Variants in BOC observed in about 807,000 individuals in gnomAD.
The protein encoded by BOC is brother of CDO.
BOC carries 76 observed loss-of-function variants against 112.0 expected under a neutral mutation model. That is an observed-to-expected ratio of 0.68 (90% confidence interval 0.56 to 0.82). The LOEUF (loss-of-function observed/expected upper bound fraction) is 0.82, where lower values mean the gene tolerates loss of function less well. BOC is among the 40% of genes least tolerant of loss of function. The pLI is 0.00. For synonymous variants in BOC, 580 were observed against 599.8 expected (o/e 0.97, Z 0.48); for missense variants, 1,309 against 1,511.7 (o/e 0.87, Z 2.22).
chr3:113,272,567 C>T lies in BOC; in HGVS notation c.825C>T (p.Asn275=), dbSNP rs377081069. The change falls in exon 7 of 20, where the codon AAC becomes AAT. Residue 275 remains asparagine, a synonymous_variant. Transcript: ENST00000682979. ...AKDGSSVTGY[N]KTRFLLSNLL... ...ATGGGTCCAGTGTCACCGGCTACAACAAGACGCGCTTCCTGCTGAGCAACC... is the reference window on the plus strand; with the variant it reads ...ATGGGTCCAGTGTCACCGGCTACAATAAGACGCGCTTCCTGCTGAGCAACC... 2 of 1,613,968 alleles carry T rather than the reference C, an allele frequency of 1.2e-6. No individual in the cohort carries two copies. Among genetic ancestry groups the T allele is most frequent in the African/African-American group, 1.3e-5 (1 of 74,902 alleles).
At chr3:113,241,423 C>G (rs576092959) in intron 2 of BOC, among the ~76,000 whole-genome samples, 65 of 152,226 alleles carry the variant, frequency 4.3e-4, no homozygotes, top group African/African-American at 1.3e-3. Flanking sequence ...CCCTCTCCCC[C>G]TCTGCTCTCC....
At chr3:113,264,856 G>A (rs1194984057) in intron 4 of BOC, among the ~76,000 whole-genome samples, 2 of 152,208 alleles carry the variant, frequency 1.3e-5, no homozygotes, top group Non-Finnish European at 2.9e-5. Flanking sequence ...CAGGGCCAAG[G>A]ACCGAACTGC....
chr3:113,278,616 G>A lies in BOC; in HGVS notation c.1706-57G>A. The A allele has an allele frequency of 7.1e-7, 1 of 1,414,826 alleles. No homozygotes were observed. Among genetic ancestry groups the A allele is most frequent in the South Asian group, 1.2e-5 (1 of 80,988 alleles). 87.6% of individuals were successfully genotyped at this position (1,414,826 alleles called of 1,614,324 possible). A position where few individuals can be genotyped will look rare whatever the true frequency, so the allele number is the denominator to read the frequency against. On this transcript the variant is annotated intron_variant, in intron 10 of 19. Coordinates refer to ENST00000682979, the MANE Select transcript of BOC (RefSeq NM_001378074.1). The surrounding 1 kb of genome is among the most constrained non-coding windows in gnomAD (Gnocchi z 4.2). ...AGTCTCAGGCAAAAAGGACTCTGTG[G>A]GAGGGAGATCTCATGCCTGCTTCCT...
rs1207193965 is a variant in BOC at position 113,279,392 on chromosome 3, A to C, written c.1960A>C (p.Ile654Leu). Residue 654 changes from isoleucine (I) to leucine (L), a missense_variant, in exon 12 of 20, where the codon ATT becomes CTT. Coordinates refer to ENST00000682979, the MANE Select transcript of BOC (RefSeq NM_001378074.1). ...GAAGCTAAAGAAAGTGGGAGACTGG[A>C]TTCTGGCCACCAGCGCCATCCCCCC... is the stretch of plus-strand genomic sequence containing the variant. ...YKKLKKVGDW[I>L]LATSAIPPSR... The C allele has an allele frequency of 3.1e-6, 5 of 1,614,048 alleles. No individual in the cohort carries two copies. The highest frequency in any genetic ancestry group is 4.2e-6 in the Non-Finnish European group (5 of 1,180,034).
chr3:113,242,132 AAAAG>A (rs1396088347), intron 2 of BOC, among the ~76,000 whole-genome samples: 1 of 152,138 alleles, frequency 6.6e-6, no homozygotes, highest in Non-Finnish European at 1.5e-5. Flanking sequence ...CAAAAAAAAA[AAAAG>A]AAAAGAGAAC....
chr3:113,284,709 G>A, intron 17 of BOC, 73 bp from the exon 18 acceptor site: 1 of 1,529,424 alleles, frequency 6.5e-7, no homozygotes, highest in Non-Finnish European at 9.1e-7. Flanking sequence ...AGATGCTCCT[G>A]TTGTTGAGTG....
At chr3:113,253,997 G>A (rs984581153) in intron 4 of BOC, among the ~76,000 whole-genome samples, 2 of 152,212 alleles carry the variant, frequency 1.3e-5, no homozygotes, top group African/African-American at 4.8e-5. Flanking sequence ...GAGAGTTGGA[G>A]AGTGGAAGAT....
At chr3:113,277,956 G>A in intron 9 of BOC, 139 bp from the exon 10 acceptor site, 1 of 1,126,368 alleles carries the variant, frequency 8.9e-7, no homozygotes, top group Non-Finnish European at 1.3e-6. Flanking sequence ...CCGAGGCTGT[G>A]CCACCCTAAC....
At chr3:113,244,478 G>A (rs929226943) in intron 2 of BOC, among the ~76,000 whole-genome samples, 8 of 152,168 alleles carry the variant, frequency 5.3e-5, no homozygotes, top group African/African-American at 1.9e-4. Context: ...ACATCAGAGT[G>A]TTCTGGGTAG....
chr3:113,232,694 G>T (rs774796327), intron 2 of BOC, among the ~76,000 whole-genome samples: 3 of 152,128 alleles, frequency 2.0e-5, no homozygotes, highest in Non-Finnish European at 4.4e-5. Context: ...CTGAGATATT[G>T]CCTCTTCTTA....
chr3:113,276,244 A>C (rs1559877591), intron 9 of BOC, among the ~76,000 whole-genome samples: 1 of 152,230 alleles, frequency 6.6e-6, no homozygotes, highest in Non-Finnish European at 1.5e-5. Flanking sequence ...CTCGCAGAAG[A>C]GGCAGATTGG....
At chr3:113,251,272 A>G (rs1393669506) in intron 4 of BOC, 1 of 295,748 alleles carries the variant, frequency 3.4e-6, no homozygotes, top group African/African-American at 2.1e-5. Context: ...ACCAAGAGAC[A>G]TGGGCAGGGC....
intron 4 of BOC, among the ~76,000 whole-genome samples, chr3:113,260,721 A>ACAGAACAGAAAGAAC (rs1553737946): frequency 2.2e-5 from 2 of 92,220 alleles, no homozygotes; most frequent in African/African-American, 4.2e-5. Context: ...ACAGAACAGA[A>ACAGAACAGAAAGAAC]AGAACAGAAC....
At chr3:113,228,876 C>T (rs1440856445) in intron 2 of BOC, among the ~76,000 whole-genome samples, 1 of 152,240 alleles carries the variant, frequency 6.6e-6, no homozygotes, top group Admixed American at 6.5e-5. Flanking sequence ...CAGCAGGCAA[C>T]CTGCCCCTCC....
chr3:113,212,604 AG>A (rs1403096889), intron 1 of BOC: 1 of 152,298 alleles, frequency 6.6e-6, no homozygotes, highest in Non-Finnish European at 1.5e-5. Flanking sequence ...ACGCAGCTTG[AG>A]GGAAGCATCC....
At chr3:113,254,983 A>T (rs1412225630) in intron 4 of BOC, among the ~76,000 whole-genome samples, 2 of 150,228 alleles carry the variant, frequency 1.3e-5, no homozygotes, top group Non-Finnish European at 3.0e-5. Context: ...TCTCACCTGC[A>T]CTCTCTCCCT....
chr3:113,272,542 A>G lies in BOC; in HGVS notation c.800A>G (p.Asp267Gly), dbSNP rs765417141. ...IPPPRVTWAK[D>G]GSSVTGYNKT... ...CCCCCACGGGTCACCTGGGCCAAGG[A>G]TGGGTCCAGTGTCACCGGCTACAAC... is the stretch of plus-strand genomic sequence containing the variant. The change falls in exon 7 of 20, where the codon GAT (aspartate) becomes GGT (glycine). Residue 267 changes from aspartate to glycine, a missense_variant. Physicochemically the swap from Asp to Gly is moderately conservative, Grantham distance 94. Transcript: ENST00000682979. 6.2e-7 allele frequency: 1 copy of G among 1,613,990 alleles called. No homozygotes were observed. Among genetic ancestry groups the G allele is most frequent in the East Asian group, 2.2e-5 (1 of 44,854 alleles).
At chr3:113,284,267 G>A (rs947432705) in intron 16 of BOC, 68 bp from the exon 17 acceptor site, 7 of 1,365,204 alleles carry the variant, frequency 5.1e-6, no homozygotes, top group Non-Finnish European at 7.3e-6. Context: ...TGAGATCCTT[G>A]TGGGGCTTTT....
chr3:113,266,595 T>A (rs1285710608), intron 4 of BOC, among the ~76,000 whole-genome samples: 2 of 152,224 alleles, frequency 1.3e-5, no homozygotes, highest in East Asian at 1.9e-4. Flanking sequence ...ATAATGGGCA[T>A]CTTGTACCTA....
Sources: allele counts gnomAD v4.1 joint callset (sites outside exome capture counted in the v4.1 genomes callset), GRCh38; gene constraint gnomAD v4.1.1; non-coding constraint Gnocchi (gnomAD v3.1); transcripts MANE v1.5; gene names NCBI Gene and HGNC (gene_info 2026-07-23, HGNC 2026-07-21).